The following UBAC1 variants were observed in gnomAD, a reference collection of about 807,000 sequenced individuals.
UBAC1 encodes UBA domain containing 1.
UBAC1 carries 27 observed loss-of-function variants against 45.9 expected under a neutral mutation model. That is an observed-to-expected ratio of 0.59 (90% CI 0.43 to 0.81). The LOEUF is 0.81. UBAC1 is among the 30% of genes least tolerant of loss of function. UBAC1 has a pLI of 0.00. For synonymous variants in UBAC1, 227 were observed against 215.5 expected (o/e 1.05, Z -0.47); for missense variants, 529 against 539.2 (o/e 0.98, Z 0.19).
intron 1 of UBAC1, among the ~76,000 whole-genome samples, chr9:135,958,988 T>A (rs909305050): frequency 6.6e-6 from 1 of 152,150 alleles, no homozygotes; most frequent in African/African-American, 2.4e-5. Flanking sequence ...GAATAATATA[T>A]ATCAGGAGTA....
At chr9:135,952,758 G>C (rs1462199628) in intron 3 of UBAC1, among the ~76,000 whole-genome samples, 1 of 152,230 alleles carries the variant, frequency 6.6e-6, no homozygotes, top group Non-Finnish European at 1.5e-5. Flanking sequence ...GGTTTTTTCA[G>C]ATTTGGGAAT....
chr9:135,959,372 GTTTTTTTTTTT>G (rs34292104), intron 1 of UBAC1, among the ~76,000 whole-genome samples: 2 of 99,848 alleles, frequency 2.0e-5, no homozygotes, highest in African/African-American at 7.6e-5. Context: ...TTTTTGTCTG[GTTTTTTTTTTT>G]TTTTTTTTTT....
At chr9:135,938,091 G>A in intron 9 of UBAC1, 131 bp downstream of exon 9, 1 of 1,391,572 alleles carries the variant, frequency 7.2e-7, no homozygotes, top group Admixed American at 2.2e-5. Context: ...CTGCATGGCA[G>A]GACGTGCTGC....
At chr9:135,956,582 G>GACAGC (rs774326445) in intron 1 of UBAC1, among the ~76,000 whole-genome samples, 4 of 151,890 alleles carry the variant, frequency 2.6e-5, no homozygotes, top group Non-Finnish European at 4.4e-5. Flanking sequence ...CCCGACACAC[G>GACAGC]ACAGCACAGC....
At chr9:135,957,880 T>C (rs1419936619) in intron 1 of UBAC1, among the ~76,000 whole-genome samples, 3 of 151,014 alleles carry the variant, frequency 2.0e-5, no homozygotes, top group Admixed American at 6.6e-5. Flanking sequence ...GTTCAAGCGA[T>C]TCTTGTGCCT....
chr9:135,938,012 C>T (rs1283161852), intron 9 of UBAC1, among the ~76,000 whole-genome samples: 1 of 152,206 alleles, frequency 6.6e-6, no homozygotes, highest in Non-Finnish European at 1.5e-5. Flanking sequence ...GAGACAGTCA[C>T]ACCACGATCA....
chr9:135,933,165 C>G lies in UBAC1; in HGVS notation c.*235G>C. The G allele has an allele frequency of 2.0e-6, 1 of 506,062 alleles. No individual in the cohort carries two copies. Among genetic ancestry groups the G allele is most frequent in the East Asian group, 3.4e-5 (1 of 29,314 alleles). The allele number at this position is 506,062 out of a possible 1,614,324, so 31.3% of individuals were successfully genotyped here. On this transcript the variant is annotated 3_prime_UTR_variant, in exon 10 of 10. Transcript: ENST00000371756. Reference sequence around the variant, plus strand: ...GAGACGAGGCCATCACTCCACTTCCCAGTGCGACAACCACTTTTTTGTAAA... The same window carrying G: ...GAGACGAGGCCATCACTCCACTTCCGAGTGCGACAACCACTTTTTTGTAAA...
At position 135,946,334 on chromosome 9, in the gene UBAC1, A is replaced by C; in HGVS notation, c.479T>G (p.Ile160Ser). 6.2e-7 allele frequency: 1 copy of C among 1,614,062 alleles called. No homozygotes were observed. Among genetic ancestry groups the C allele is most frequent in the Non-Finnish European group, 8.5e-7 (1 of 1,179,916 alleles). ...CGCTAACAGCTTCTGCGCCACCTCG[A>C]TGAGAGACACCAGTATCTTCCGGAG... ...TELRKILVSL[I>S]EVAQKLLALN... Residue 160 changes from isoleucine to serine, a missense_variant, in exon 5 of 10, where the codon ATC (isoleucine) becomes AGC (serine). Physicochemically the swap from Ile to Ser is moderately radical, Grantham distance 142. Transcript: ENST00000371756.
chr9:135,948,439 A>G (rs909177169), intron 3 of UBAC1, among the ~76,000 whole-genome samples: 7 of 152,268 alleles, frequency 4.6e-5, no homozygotes, highest in African/African-American at 1.7e-4. Context: ...CCAAGAGCAG[A>G]GCATGGACGC....
In UBAC1 at chr9:135,961,223, C is replaced by G; in HGVS notation, c.-61G>C. On this transcript the variant is annotated 5_prime_UTR_variant, in exon 1 of 10. Coordinates refer to ENST00000371756, the MANE Select transcript of UBAC1 (RefSeq NM_016172.3). ...GGGCCCCTGAAGGTCACCGGGAAGGCGGGCGGGGAGGGGGCGGGGCCAGAC... is the reference window on the plus strand; with the variant it reads ...GGGCCCCTGAAGGTCACCGGGAAGGGGGGCGGGGAGGGGGCGGGGCCAGAC... 2 of 1,412,074 alleles carry G rather than the reference C, an allele frequency of 1.4e-6. No individual in the cohort carries two copies. Among genetic ancestry groups the G allele is most frequent in the Non-Finnish European group, 1.8e-6 (2 of 1,090,350 alleles). 87.5% of individuals were successfully genotyped at this position (1,412,074 alleles called of 1,614,324 possible). A position where few individuals can be genotyped will look rare whatever the true frequency, so the allele number is the denominator to read the frequency against.
chr9:135,937,262 T>G (rs2131080412), intron 9 of UBAC1, among the ~76,000 whole-genome samples: 1 of 151,882 alleles, frequency 6.6e-6, no homozygotes, highest in South Asian at 2.1e-4. Context: ...GCAAACATGG[T>G]GAAAGCCGTC....
At position 135,949,300 on chromosome 9, in the gene UBAC1, A is replaced by C. The variant is rs577931179; in HGVS notation, c.334-1395T>G. Among the ~76,000 whole-genome samples, 5 of 152,294 alleles carry C rather than the reference A, an allele frequency of 3.3e-5. No individual in the cohort carries two copies. The South Asian group carries it at 1.0e-3, about 32-fold the overall frequency. On this transcript the variant is annotated intron_variant, in intron 3 of 9. Coordinates refer to ENST00000371756, the MANE Select transcript of UBAC1 (RefSeq NM_016172.3). ...CCTCAGAAAACACGCCTACCAGCCA[A>C]CTCATAAGAGTTACAGAAAGAGAAA...
Position 135,945,822 on chromosome 9 carries a change from G to A in UBAC1, c.653+67C>T, listed in dbSNP as rs142487389. The A allele has an allele frequency of 3.3e-3, 4,438 of 1,327,556 alleles. 13 individuals carry two copies. The highest frequency in any genetic ancestry group is 4.3e-3 in the Non-Finnish European group (4,023 of 929,516). The allele number at this position is 1,327,556 out of a possible 1,614,324, so 82.2% of individuals were successfully genotyped here. A position where few individuals can be genotyped will look rare whatever the true frequency, so the allele number is the denominator to read the frequency against. ...TTTAGGGTAGGAGGACGTCACCCAC[G>A]GTGGGAGCCCCACAAAACCAGGCCC... On this transcript the variant is annotated intron_variant, in intron 6 of 9. Transcript: ENST00000371756.
At chr9:135,951,865 C>T (rs998997633) in intron 3 of UBAC1, among the ~76,000 whole-genome samples, 1 of 152,120 alleles carries the variant, frequency 6.6e-6, no homozygotes, top group South Asian at 2.1e-4. Flanking sequence ...AAAATATGAA[C>T]TGACATCTTA....
At chr9:135,938,478 G>T in intron 8 of UBAC1, 118 bp from the exon 9 acceptor site, 1 of 1,328,454 alleles carries the variant, frequency 7.5e-7, no homozygotes, top group Admixed American at 2.5e-5. Flanking sequence ...GAGCCCCCAG[G>T]GCTGATCTCC....
chr9:135,946,040 T>G, intron 5 of UBAC1, 43 bp from the exon 6 acceptor site: 193 of 1,550,320 alleles, frequency 1.2e-4, no homozygotes, highest in Middle Eastern at 1.7e-4. Context: ...AGCCTCAGGT[T>G]CAGGGGCCTT....
intron 7 of UBAC1, among the ~76,000 whole-genome samples, chr9:135,941,863 C>T (rs1482292632): frequency 6.6e-6 from 1 of 152,248 alleles, no homozygotes; most frequent in African/African-American, 2.4e-5. Context: ...GCTCTCCAAT[C>T]CTTTCTCAGT....
Position 135,961,116 on chromosome 9 carries a change from A to G in UBAC1, c.47T>C (p.Leu16Pro). Residue 16 changes from leucine to proline, a missense_variant, in exon 1 of 10, where the codon CTG becomes CCG. Coordinates refer to ENST00000371756, the MANE Select transcript of UBAC1 (RefSeq NM_016172.3). ...EKIFAGKVLRLHICASDGAEW... is the reference protein window; with the variant it reads ...EKIFAGKVLRPHICASDGAEW... ...GGCGCCGTCGGACGCGCAGATGTGC[A>G]GCCGCAGCACCTTGCCCGCGAAGAT... is the stretch of plus-strand genomic sequence containing the variant. 1 of 1,591,088 alleles carries G rather than the reference A, an allele frequency of 6.3e-7. No individual in the cohort carries two copies. The highest frequency in any genetic ancestry group is 1.1e-5 in the South Asian group (1 of 89,064).
chr9:135,939,474 C>T (rs1839241752), intron 8 of UBAC1, among the ~76,000 whole-genome samples, 199 bp downstream of exon 8: 1 of 144,500 alleles, frequency 6.9e-6, no homozygotes, highest in East Asian at 2.1e-4. Context: ...ACACTCACAG[C>T]CCACACTCAC....
Sources: allele counts gnomAD v4.1 joint callset (sites outside exome capture counted in the v4.1 genomes callset), GRCh38; gene constraint gnomAD v4.1.1; transcripts MANE v1.5; gene names NCBI Gene and HGNC (gene_info 2026-07-23, HGNC 2026-07-21).